The following ZNF714 variants were observed in gnomAD, a reference collection of about 807,000 sequenced individuals.
ZNF714 encodes the protein zinc finger protein 714.
A neutral mutation model predicts 46.2 loss-of-function variants in ZNF714; 32 were observed. The observed-to-expected ratio is 0.69, with a 90% CI of 0.52 to 0.93. The LOEUF (loss-of-function observed/expected upper bound fraction) is 0.93, where lower values mean the gene tolerates loss of function less well. ZNF714 is among the 40% of genes least tolerant of loss of function. The probability of loss-of-function intolerance (pLI) is 0.00; values close to 1 mark genes in which losing one functional copy is unlikely to be tolerated. For missense variants in ZNF714, 635 were observed against 646.3 expected, an observed-to-expected ratio of 0.98 and a Z score of 0.19; for synonymous variants, 199 against 213.1, an observed-to-expected ratio of 0.93 and a Z score of 0.58.
At chr19:21,107,816 T>C (rs1969358856) in intron 4 of ZNF714, among the ~76,000 whole-genome samples, 1 of 152,186 alleles carries the variant, frequency 6.6e-6, no homozygotes. Flanking sequence ...GCCACCGTAC[T>C]CAACCCATGT....
intron 4 of ZNF714, among the ~76,000 whole-genome samples, chr19:21,107,052 C>T (rs1969336583): frequency 1.3e-5 from 2 of 152,088 alleles, no homozygotes; most frequent in African/African-American, 2.4e-5. Context: ...GTCTCGATCC[C>T]CTGACCTCGT....
chr19:21,117,436 A>T lies in ZNF714; in HGVS notation c.772A>T (p.Lys258Ter). 6.2e-7 allele frequency: 1 copy of T among 1,612,962 alleles called. No individual in the cohort carries two copies. The highest frequency in any genetic ancestry group is 8.5e-7 in the Non-Finnish European group (1 of 1,179,394). Residue 258 changes from lysine (K) to a stop codon, truncating the protein, a stop_gained, in exon 5 of 5, where the codon AAA becomes TAA. Coordinates refer to ENST00000456283, the MANE Select transcript of ZNF714 (RefSeq NM_182515.4). LOFTEE classifies it high-confidence loss of function. Reference sequence around the variant, plus strand: ...AATTCATACTGGAGAGAAGCCCTTCAAATGTGAAGAATGTGGTAAAGCTTT... The same window carrying T: ...AATTCATACTGGAGAGAAGCCCTTCTAATGTGAAGAATGTGGTAAAGCTTT... Reference protein sequence around the residue: ...KVIHTGEKPFKCEECGKAFNH... With the variant: ...KVIHTGEKPF
rs1268101990 is a variant in ZNF714, at chr19:21,118,338, G to A, written c.*6G>A. 1.3e-6 allele frequency: 1 copy of A among 741,234 alleles called. No homozygotes were observed. The allele number at this position is 741,234 out of a possible 1,614,324, so 45.9% of individuals were successfully genotyped here. On this transcript the variant is annotated 3_prime_UTR_variant, in exon 5 of 5. Transcript: ENST00000456283. ...GTGGTGGCAGGCGCCTGTAATCCCA[G>A]CTACTTGGGAGGCAGAGGCAGGAGA...
At chr19:21,107,488 C>T (rs1312018937) in intron 4 of ZNF714, among the ~76,000 whole-genome samples, 1 of 152,154 alleles carries the variant, frequency 6.6e-6, no homozygotes, top group Non-Finnish European at 1.5e-5. Flanking sequence ...ATCCGCCCAC[C>T]TTGGCCTCCC....
chr19:21,112,095 G>A (rs1969461003), intron 4 of ZNF714, among the ~76,000 whole-genome samples: 6 of 152,124 alleles, frequency 3.9e-5, no homozygotes, highest in Admixed American at 3.9e-4. Flanking sequence ...TCAGGATGAT[G>A]CTGGCCTCAT....
intron 2 of ZNF714, among the ~76,000 whole-genome samples, chr19:21,094,197 G>T (rs774492133): frequency 1.3e-5 from 2 of 151,886 alleles, no homozygotes; most frequent in Non-Finnish European, 2.9e-5. Flanking sequence ...TGCCATATTG[G>T]CTAGGCTAGC....
intron 4 of ZNF714, among the ~76,000 whole-genome samples, chr19:21,111,845 G>T (rs939431424): frequency 1.3e-5 from 2 of 152,098 alleles, no homozygotes; most frequent in Non-Finnish European, 2.9e-5. Context: ...TAATCGTGTG[G>T]TTTTTGTCTT....
At chr19:21,098,012 TCAGAGTAA>T (rs1266399386) in intron 2 of ZNF714, among the ~76,000 whole-genome samples, 165 bp from the exon 3 acceptor site, 1 of 152,232 alleles carries the variant, frequency 6.6e-6, no homozygotes, top group African/African-American at 2.4e-5. Flanking sequence ...TTCTCTGCCC[TCAGAGTAA>T]TACATTAGAG....
At position 21,117,679 on chromosome 19, in the gene ZNF714, A is replaced by C; in HGVS notation, c.1015A>C (p.Lys339Gln). ...ACATAAAAGAATTCATACTGGAGAG[A>C]AACCCTACAAATGTGAAGAATGTGG... Reference protein sequence around the residue: ...TKHKRIHTGEKPYKCEECGKA... With the variant: ...TKHKRIHTGEQPYKCEECGKA... Residue 339 changes from lysine to glutamine, a missense_variant, in exon 5 of 5, where the codon AAA becomes CAA. By Grantham distance (53) the Lys-to-Gln change is moderately conservative. Transcript: ENST00000456283. 6.2e-7 allele frequency: 1 copy of C among 1,613,490 alleles called. No individual in the cohort carries two copies. Among genetic ancestry groups the C allele is most frequent in the Non-Finnish European group, 8.5e-7 (1 of 1,179,730 alleles).
At chr19:21,110,215 A>G (rs1197204190) in intron 4 of ZNF714, among the ~76,000 whole-genome samples, 1 of 152,262 alleles carries the variant, frequency 6.6e-6, no homozygotes, top group Admixed American at 6.5e-5. Context: ...TCCCACCAAA[A>G]GTATAAAAGC....
intron 2 of ZNF714, among the ~76,000 whole-genome samples, chr19:21,087,999 G>A (rs568828951): frequency 5.9e-5 from 9 of 152,254 alleles, no homozygotes; most frequent in East Asian, 3.9e-4. Flanking sequence ...CGTACTAGGC[G>A]TGGAGTCCAG....
Position 21,123,940 on chromosome 19 carries a change from A to G in ZNF714, c.*5608A>G, listed in dbSNP as rs766774495. Reference sequence around the variant, plus strand: ...TGAAAAACATTTGGAGATCATGACAAGTTTTGGATTAAAACATTCTGTTAT... The same window carrying G: ...TGAAAAACATTTGGAGATCATGACAGGTTTTGGATTAAAACATTCTGTTAT... On this transcript the variant is annotated 3_prime_UTR_variant, in exon 5 of 5. Coordinates refer to ENST00000456283, the MANE Select transcript of ZNF714 (RefSeq NM_182515.4). 9 of 152,172 alleles carry G rather than the reference A, an allele frequency of 5.9e-5. No individual in the cohort carries two copies. Among genetic ancestry groups the G allele is most frequent in the Non-Finnish European group, 1.3e-4 (9 of 68,026 alleles). 9.4% of individuals were successfully genotyped at this position (152,172 alleles called of 1,614,324 possible).
Position 21,082,270 on chromosome 19 carries a change from C to A in ZNF714, c.-255C>A. ...CCTGTGTCCTCTGCTCGCAGAGGCC[C>A]AGCCTCTGTGGCCCTGTGACCTGCA... is the stretch of plus-strand genomic sequence containing the variant. On this transcript the variant is annotated 5_prime_UTR_variant, in exon 1 of 5. Coordinates refer to ENST00000456283, the MANE Select transcript of ZNF714 (RefSeq NM_182515.4). 1 of 1,400,548 alleles carries A rather than the reference C, an allele frequency of 7.1e-7. No individual in the cohort carries two copies. Among genetic ancestry groups the A allele is most frequent in the Non-Finnish European group, 9.7e-7 (1 of 1,033,440 alleles). 86.8% of individuals were successfully genotyped at this position (1,400,548 alleles called of 1,614,324 possible). A position where few individuals can be genotyped will look rare whatever the true frequency, so the allele number is the denominator to read the frequency against.
intron 2 of ZNF714, among the ~76,000 whole-genome samples, chr19:21,086,736 A>G (rs1035650313): frequency 6.6e-6 from 1 of 152,074 alleles, no homozygotes; most frequent in African/African-American, 2.4e-5. Context: ...TCTCAGCCCT[A>G]TTTTATCCAG....
chr19:21,117,646 C>G lies in ZNF714; in HGVS notation c.982C>G (p.Leu328Val). 1 of 1,613,500 alleles carries G rather than the reference C, an allele frequency of 6.2e-7. No individual in the cohort carries two copies. ...CAAAGGCTTTAACTGGTCTTCAACC[C>G]TTACAAAACATAAAAGAATTCATAC... ...CGKGFNWSST[L>V]TKHKRIHTGE... The change falls in exon 5 of 5, where the codon CTT becomes GTT. Residue 328 changes from leucine (L) to valine (V), a missense_variant. Leu to Val is a conservative substitution (Grantham distance 32, BLOSUM62 1). Transcript: ENST00000456283.
At chr19:21,083,186 G>A (rs894522846) in intron 1 of ZNF714, among the ~76,000 whole-genome samples, 3 of 152,036 alleles carry the variant, frequency 2.0e-5, no homozygotes, top group African/African-American at 4.8e-5. Context: ...ACAGGCATGC[G>A]CCACCACGCC....
In ZNF714 at chr19:21,118,451, CAAAAA is replaced by C. The variant is rs71176814; in HGVS notation, c.*132_*136del. The C allele has an allele frequency of 1.6e-3, 260 of 165,132 alleles. No individual in the cohort carries two copies. Among genetic ancestry groups the C allele is most frequent in the South Asian group, 3.2e-3 (25 of 7,824 alleles). The allele number at this position is 165,132 out of a possible 1,614,324, so 10.2% of individuals were successfully genotyped here. ...TGGGCCACAAGGCAAGACTCTGTCTCAAAAAAAAAAAAAAAAAGAAAAGAAAATTC... is the reference window on the plus strand; with the variant it reads ...TGGGCCACAAGGCAAGACTCTGTCTCAAAAAAAAAAAAGAAAAGAAAATTC... On this transcript the variant is annotated 3_prime_UTR_variant, in exon 5 of 5. Coordinates refer to ENST00000456283, the MANE Select transcript of ZNF714 (RefSeq NM_182515.4).
At position 21,117,017 on chromosome 19, in the gene ZNF714, C is replaced by T; in HGVS notation, c.353C>T (p.Pro118Leu). 6.2e-7 allele frequency: 1 copy of T among 1,613,220 alleles called. No individual in the cohort carries two copies. The highest frequency in any genetic ancestry group is 1.7e-4 in the Middle Eastern group (1 of 6,058). Reference protein sequence around the residue: ...CLTTTQSKIFPCDKYIKVFHK... With the variant: ...CLTTTQSKIFLCDKYIKVFHK... ...ACAACTACCCAGAGCAAAATATTTC[C>T]ATGTGATAAATATATAAAAGTCTTT... The change falls in exon 5 of 5, where the codon CCA becomes CTA. Residue 118 changes from proline (P) to leucine (L), a missense_variant. Coordinates refer to ENST00000456283, the MANE Select transcript of ZNF714 (RefSeq NM_182515.4).
rs2144889084 is a variant in ZNF714, at chr19:21,122,927, AGT to A, written c.*4597_*4598del. 3 of 152,194 alleles carry A rather than the reference AGT, an allele frequency of 2.0e-5. No homozygotes were observed. In the South Asian group the frequency reaches 6.2e-4, roughly 32 times the overall value. 9.4% of individuals were successfully genotyped at this position (152,194 alleles called of 1,614,324 possible). Reference sequence around the variant, plus strand: ...CCCAGCACTTTGAGAGGCCGAGGCAAGTGGATCACTTGAGCTCAGGAGTTCGA... The same window carrying A: ...CCCAGCACTTTGAGAGGCCGAGGCAAGGATCACTTGAGCTCAGGAGTTCGA... On this transcript the variant is annotated 3_prime_UTR_variant, in exon 5 of 5. Transcript: ENST00000456283.
Sources: allele counts gnomAD v4.1 joint callset (sites outside exome capture counted in the v4.1 genomes callset), GRCh38; gene constraint gnomAD v4.1.1; transcripts MANE v1.5; gene names NCBI Gene and HGNC (gene_info 2026-07-23, HGNC 2026-07-21).